Variants in GULP1 observed in about 807,000 individuals in gnomAD.
The protein encoded by GULP1 is PTB domain-containing engulfment adapter protein 1.
A neutral mutation model predicts 40.9 loss-of-function variants in GULP1; 19 were observed. The ratio of observed to expected loss-of-function variants is 0.46; its 90% CI spans 0.32 to 0.68. The LOEUF (loss-of-function observed/expected upper bound fraction) is 0.68, where lower values mean the gene tolerates loss of function less well. GULP1 is among the 30% of genes least tolerant of loss of function. GULP1 has a pLI of 0.03. For missense variants in GULP1, 312 were observed against 362.2 expected (o/e 0.86, Z 1.12); for synonymous variants, 119 against 117.6 (o/e 1.01, Z -0.08).
intron 2 of GULP1, among the ~76,000 whole-genome samples, chr2:188,421,372 A>G (rs1011504957): frequency 2.6e-5 from 4 of 152,120 alleles, no homozygotes; most frequent in Non-Finnish European, 5.9e-5. Flanking sequence ...AACTTGAAAT[A>G]TTTGTGCATT....
At chr2:188,382,573 C>T (rs1421140019) in intron 1 of GULP1, among the ~76,000 whole-genome samples, 1 of 152,144 alleles carries the variant, frequency 6.6e-6, no homozygotes, top group Non-Finnish European at 1.5e-5. Flanking sequence ...TTCTTTCTCT[C>T]TAAAGTCATG....
In GULP1 at chr2:188,593,977, T is replaced by C. The variant is rs780381570; in HGVS notation, c.881T>C (p.Val294Ala). Reference protein sequence around the residue: ...FKMGLTLEGTVFCLDPLDSRC With the variant: ...FKMGLTLEGTAFCLDPLDSRC ...ATGGGACTAACTCTTGAAGGCACAG[T>C]ATTTTGTCTCGACCCGTTAGACAGT... Residue 294 changes from valine to alanine, a missense_variant, in exon 12 of 12, where the codon GTA (valine) becomes GCA (alanine). By Grantham distance (64) the Val-to-Ala change is moderately conservative. Coordinates refer to ENST00000409830, the MANE Select transcript of GULP1 (RefSeq NM_016315.4). 1 of 1,601,650 alleles carries C rather than the reference T, an allele frequency of 6.2e-7. No individual in the cohort carries two copies. The highest frequency in any genetic ancestry group is 1.7e-5 in the Admixed American group (1 of 59,864).
chr2:188,367,443 AGCAATAGGGAG>A (rs2046959765), intron 1 of GULP1, among the ~76,000 whole-genome samples: 1 of 152,116 alleles, frequency 6.6e-6, no homozygotes, highest in African/African-American at 2.4e-5. Flanking sequence ...TCCCCGATGG[AGCAATAGGGAG>A]CTTTAGCTTG....
At chr2:188,491,481 A>T (rs1455925926) in intron 4 of GULP1, 1 of 152,054 alleles carries the variant, frequency 6.6e-6, no homozygotes, top group Non-Finnish European at 1.5e-5. Flanking sequence ...TTGTTAAGAG[A>T]AGTAAAATGT....
At chr2:188,444,561 G>C (rs1204873645) in intron 2 of GULP1, among the ~76,000 whole-genome samples, 2 of 152,136 alleles carry the variant, frequency 1.3e-5, no homozygotes, top group African/African-American at 4.8e-5. Context: ...ATAAGCCAGA[G>C]TGATTTCTGC....
intron 2 of GULP1, among the ~76,000 whole-genome samples, chr2:188,420,846 G>C (rs182010790): frequency 2.5e-4 from 38 of 152,282 alleles, no homozygotes; most frequent in African/African-American, 7.7e-4. Context: ...CCAGTCTGTG[G>C]ATTGTATCTA....
At chr2:188,364,463 TC>T (rs1295019994) in intron 1 of GULP1, among the ~76,000 whole-genome samples, 3 of 152,146 alleles carry the variant, frequency 2.0e-5, no homozygotes, top group Non-Finnish European at 4.4e-5. Context: ...TTTGGAACAT[TC>T]TGTCTCCAGG....
At chr2:188,413,540 A>AT (rs1436041152) in intron 2 of GULP1, among the ~76,000 whole-genome samples, 2 of 151,858 alleles carry the variant, frequency 1.3e-5, no homozygotes, top group South Asian at 2.1e-4. Context: ...GGGTTGTTTG[A>AT]TTTTTTGTTG....
intron 11 of GULP1, chr2:188,592,260 C>T (rs2153477397): frequency 6.6e-6 from 1 of 151,986 alleles, no homozygotes; most frequent in Non-Finnish European, 1.5e-5. Context: ...TCAAACATTT[C>T]CACATGTAAC....
chr2:188,321,629 CTT>C (rs1169641558), intron 1 of GULP1, among the ~76,000 whole-genome samples: 1 of 151,626 alleles, frequency 6.6e-6, no homozygotes, highest in Non-Finnish European at 1.5e-5. Context: ...TTTTTAAAAA[CTT>C]AAATATATTT....
chr2:188,526,867 A>G (rs1686288370), intron 5 of GULP1, among the ~76,000 whole-genome samples: 1 of 152,196 alleles, frequency 6.6e-6, no homozygotes. Flanking sequence ...ACCATGGTAC[A>G]TAGCTTATCT....
At chr2:188,404,177 T>C (rs1189788180) in intron 2 of GULP1, among the ~76,000 whole-genome samples, 1 of 152,188 alleles carries the variant, frequency 6.6e-6, no homozygotes. Context: ...TGATCACTAA[T>C]GTTTTTAAAA....
At chr2:188,445,976 C>T (rs959651703) in intron 2 of GULP1, among the ~76,000 whole-genome samples, 1 of 152,120 alleles carries the variant, frequency 6.6e-6, no homozygotes, top group African/African-American at 2.4e-5. Flanking sequence ...CACAGATTTA[C>T]ATATGGTAGA....
At chr2:188,588,934 T>C (rs902106757) in intron 11 of GULP1, 3 of 152,090 alleles carry the variant, frequency 2.0e-5, no homozygotes, top group Non-Finnish European at 2.9e-5. Flanking sequence ...ATGAATTCAT[T>C]ATTGTTCTAG....
rs774695101 is a variant in GULP1 at position 188,541,173 on chromosome 2, G to A, written c.262-8G>A. ...ATCAACTATGTTTATTTCCATCTGT[G>A]TTCACAGGAAGTTCAACACAATTGC... On this transcript the variant is annotated splice_polypyrimidine_tract_variant and splice_region_variant and intron_variant, in intron 6 of 11. Coordinates refer to ENST00000409830, the MANE Select transcript of GULP1 (RefSeq NM_016315.4). The A allele has an allele frequency of 1.2e-6, 2 of 1,610,898 alleles. No homozygotes were observed. The highest frequency in any genetic ancestry group is 1.7e-5 in the Admixed American group (1 of 59,934).
At chr2:188,516,726 C>T (rs1370804422) in intron 4 of GULP1, among the ~76,000 whole-genome samples, 1 of 152,162 alleles carries the variant, frequency 6.6e-6, no homozygotes, top group Non-Finnish European at 1.5e-5. Context: ...GTATTTATGA[C>T]AATTTCCTAG....
At chr2:188,501,826 C>T (rs1021162111) in intron 4 of GULP1, among the ~76,000 whole-genome samples, 4 of 151,838 alleles carry the variant, frequency 2.6e-5, no homozygotes, top group Non-Finnish European at 1.5e-5. Context: ...GCAATTTATT[C>T]CTGAAAGTTG....
intron 2 of GULP1, among the ~76,000 whole-genome samples, chr2:188,394,166 T>C (rs1194240026): frequency 6.6e-6 from 1 of 152,182 alleles, no homozygotes; most frequent in Non-Finnish European, 1.5e-5. Context: ...CCAGTTATTC[T>C]TAGGTTTGAT....
intron 7 of GULP1, among the ~76,000 whole-genome samples, chr2:188,559,282 G>C (rs377255167): frequency 6.6e-6 from 1 of 152,186 alleles, no homozygotes; most frequent in African/African-American, 2.4e-5. Context: ...TAGAGCTCAG[G>C]CTATGGTTTC....
Sources: allele counts gnomAD v4.1 joint callset (sites outside exome capture counted in the v4.1 genomes callset), GRCh38; gene constraint gnomAD v4.1.1; transcripts MANE v1.5; gene names NCBI Gene and HGNC (gene_info 2026-07-23, HGNC 2026-07-21).